The following VWA8 variants were observed in gnomAD, a reference collection of about 807,000 sequenced individuals.
The protein encoded by VWA8 is von Willebrand factor A domain-containing protein 8.
VWA8 carries 221 observed loss-of-function variants against 241.5 expected under a neutral mutation model. That is an observed-to-expected ratio of 0.91 (90% CI 0.82 to 1.02). VWA8 has a LOEUF of 1.02. Among genes scored for constraint, VWA8 ranks in the 50% least tolerant of loss-of-function variants. The pLI, the probability that VWA8 is intolerant of heterozygous loss-of-function variation, is 0.00. For synonymous variants in VWA8, 852 were observed against 827.1 expected, an observed-to-expected ratio of 1.03 and a Z score of -0.52; for missense variants, 2,322 against 2,328.7, an observed-to-expected ratio of 1.00 and a Z score of 0.06.
At chr13:41,795,818 T>A (rs542454810) in intron 17 of VWA8, among the ~76,000 whole-genome samples, 1 of 151,974 alleles carries the variant, frequency 6.6e-6, no homozygotes, top group Non-Finnish European at 1.5e-5. Flanking sequence ...GGGGAGAGCA[T>A]CAGGAAGAAT....
chr13:41,959,493 C>CAAAAAAAAAAAAAAAAAAAAAAAAGAAA (rs59960898), intron 1 of VWA8, among the ~76,000 whole-genome samples: 1 of 76,474 alleles, frequency 1.3e-5, no homozygotes, highest in Non-Finnish European at 2.5e-5. Context: ...TGAGAAAAAG[C>CAAAAAAAAAAAAAAAAAAAAAAAAGAAA]AAAAAAAAAA....
chr13:41,800,652 G>T (rs1002392333), intron 17 of VWA8, among the ~76,000 whole-genome samples: 5 of 151,726 alleles, frequency 3.3e-5, no homozygotes, highest in Non-Finnish European at 7.4e-5. Context: ...AATCAGCCGG[G>T]TGTGGTGATG....
chr13:41,719,736 G>A lies in VWA8; in HGVS notation c.2971C>T (p.Pro991Ser). The change falls in exon 26 of 45, where the codon CCG (proline) becomes TCG (serine). Residue 991 changes from proline (P) to serine (S), a missense_variant. By Grantham distance (74) the Pro-to-Ser change is moderately conservative. Transcript: ENST00000379310. The part of the protein sequence containing the change: ...VNIVKHLQKF[P>S]TEGLSSVVRN... Reference sequence around the variant, plus strand: ...ACTACACTGGAGAGACCTTCAGTCGGAAATTTCTGTATTAAAAAAAAATTC... The same window carrying A: ...ACTACACTGGAGAGACCTTCAGTCGAAAATTTCTGTATTAAAAAAAAATTC... 6.2e-7 allele frequency: 1 copy of A among 1,604,382 alleles called. No individual in the cohort carries two copies.
intron 39 of VWA8, among the ~76,000 whole-genome samples, chr13:41,608,677 G>A (rs1383677697): frequency 6.6e-6 from 1 of 152,210 alleles, no homozygotes; most frequent in African/African-American, 2.4e-5. Context: ...GCAAATGGTA[G>A]TGGATGCAAT....
At chr13:41,707,151 TTAAAA>T (rs1280030225) in intron 26 of VWA8, among the ~76,000 whole-genome samples, 1 of 152,176 alleles carries the variant, frequency 6.6e-6, no homozygotes, top group African/African-American at 2.4e-5. Context: ...TTTTCTTTTT[TTAAAA>T]AACACACATA....
intron 37 of VWA8, among the ~76,000 whole-genome samples, chr13:41,659,053 T>C (rs1041229844): frequency 3.3e-5 from 5 of 152,362 alleles, no homozygotes; most frequent in African/African-American, 1.2e-4. Context: ...AAAACTTTTA[T>C]ATTATTTTTA....
intron 4 of VWA8, among the ~76,000 whole-genome samples, chr13:41,899,635 T>C (rs1875323594): frequency 6.6e-6 from 1 of 152,182 alleles, no homozygotes; most frequent in African/African-American, 2.4e-5. Context: ...TATAAAATCA[T>C]TAAAATACTT....
chr13:41,938,915 T>A (rs1467484924), intron 2 of VWA8, among the ~76,000 whole-genome samples: 1 of 152,224 alleles, frequency 6.6e-6, no homozygotes, highest in Non-Finnish European at 1.5e-5. Context: ...TACACAAAAA[T>A]CAGTTTTTCC....
intron 2 of VWA8, among the ~76,000 whole-genome samples, chr13:41,925,135 C>T (rs554675899): frequency 6.6e-6 from 1 of 152,200 alleles, no homozygotes; most frequent in East Asian, 1.9e-4. Context: ...AAAAAAACTG[C>T]CAGTCAAAAA....
At chr13:41,795,960 A>T (rs1208405240) in intron 17 of VWA8, among the ~76,000 whole-genome samples, 1 of 152,156 alleles carries the variant, frequency 6.6e-6, no homozygotes, top group Admixed American at 6.6e-5. Flanking sequence ...GATGGAAAGA[A>T]AAATAAAGAA....
rs996847244 is a variant in VWA8, at chr13:41,661,303, A to G, written c.4611+9643T>C. On this transcript the variant is annotated intron_variant, in intron 37 of 44. Coordinates refer to ENST00000379310, the MANE Select transcript of VWA8 (RefSeq NM_015058.2). ...AACATAATTTGATGGAGTTATATAGAGACAAATGCCAAGCTTTTAACTCCA... is the reference window on the plus strand; with the variant it reads ...AACATAATTTGATGGAGTTATATAGGGACAAATGCCAAGCTTTTAACTCCA... Among the ~76,000 whole-genome samples, 5 of 152,326 alleles carry G rather than the reference A, an allele frequency of 3.3e-5. No individual in the cohort carries two copies. The East Asian group carries it at 9.6e-4, about 29-fold the overall frequency.
At chr13:41,718,503 T>C (rs1297048922) in intron 26 of VWA8, among the ~76,000 whole-genome samples, 2 of 151,964 alleles carry the variant, frequency 1.3e-5, no homozygotes, top group African/African-American at 4.8e-5. Flanking sequence ...TCATTAATAA[T>C]ATAAACCAAT....
chr13:41,887,398 T>C (rs1317699206), intron 5 of VWA8, 37 bp from the exon 6 acceptor site: 5 of 1,586,674 alleles, frequency 3.2e-6, no homozygotes, highest in Non-Finnish European at 4.3e-6. Context: ...ATAGCATAAA[T>C]GATACAAATC....
chr13:41,628,800 T>C (rs1379185799), intron 37 of VWA8, among the ~76,000 whole-genome samples: 1 of 152,164 alleles, frequency 6.6e-6, no homozygotes, highest in Non-Finnish European at 1.5e-5. Flanking sequence ...CCCAGCACTT[T>C]GGGAGGCCAA....
In VWA8 at chr13:41,833,333, G is replaced by T. The variant is rs370281813; in HGVS notation, c.1586+38C>A. On this transcript the variant is annotated intron_variant, in intron 13 of 44. Coordinates refer to ENST00000379310, the MANE Select transcript of VWA8 (RefSeq NM_015058.2). ...TCTTTACTGCTTAAGTCAGAGTGGGGTGTGTGTCTGTGTGTGATTTTTGTG... is the reference window on the plus strand; with the variant it reads ...TCTTTACTGCTTAAGTCAGAGTGGGTTGTGTGTCTGTGTGTGATTTTTGTG... The T allele has an allele frequency of 4.1e-5, 65 of 1,567,758 alleles. No homozygotes were observed. In the African/African-American group the frequency reaches 7.7e-4, roughly 19 times the overall value.
At chr13:41,939,975 T>A (rs1385365657) in intron 2 of VWA8, among the ~76,000 whole-genome samples, 1 of 152,238 alleles carries the variant, frequency 6.6e-6, no homozygotes, top group African/African-American at 2.4e-5. Flanking sequence ...TTCACACTTT[T>A]AAATTCCAAA....
intron 37 of VWA8, among the ~76,000 whole-genome samples, chr13:41,616,944 C>T (rs2044624598): frequency 6.6e-6 from 1 of 152,112 alleles, no homozygotes; most frequent in Admixed American, 6.6e-5. Flanking sequence ...AAAACTGGTA[C>T]AGTTTTATTC....
chr13:41,770,124 A>T (rs1455042999), intron 20 of VWA8, among the ~76,000 whole-genome samples: 1 of 152,156 alleles, frequency 6.6e-6, no homozygotes, highest in Non-Finnish European at 1.5e-5. Flanking sequence ...AAAATGGGGA[A>T]GGGGATATTG....
chr13:41,857,468 T>A (rs1304338497), intron 12 of VWA8, among the ~76,000 whole-genome samples: 1 of 152,174 alleles, frequency 6.6e-6, no homozygotes, highest in Non-Finnish European at 1.5e-5. Flanking sequence ...ATTTAATTTA[T>A]AAAATTCCCT....
Sources: allele counts gnomAD v4.1 joint callset (sites outside exome capture counted in the v4.1 genomes callset), GRCh38; gene constraint gnomAD v4.1.1; transcripts MANE v1.5; gene names NCBI Gene and HGNC (gene_info 2026-07-23, HGNC 2026-07-21).